Variants in KCNH6 observed in about 807,000 individuals in gnomAD.
KCNH6 encodes the protein potassium voltage-gated channel subfamily H member 6, also known as voltage-gated inwardly rectifying potassium channel KCNH6.
In KCNH6, 81 loss-of-function variants were observed where a neutral mutation model predicts 83.4. The ratio of observed to expected loss-of-function variants is 0.97; its 90% CI spans 0.81 to 1.17. KCNH6 has a LOEUF of 1.17. KCNH6 is among the 50% of genes most tolerant of loss of function. The pLI is 0.00. For synonymous variants in KCNH6, 503 were observed against 545.6 expected (o/e 0.92, Z 1.09); for missense variants, 1,203 against 1,290.5 (o/e 0.93, Z 1.04).
At chr17:63,531,711 T>C (rs1457373329) in intron 4 of KCNH6, among the ~76,000 whole-genome samples, 2 of 152,238 alleles carry the variant, frequency 1.3e-5, no homozygotes, top group African/African-American at 4.8e-5. Flanking sequence ...AGCTGCTTAC[T>C]CCAGGACATC....
chr17:63,542,136 C>T (rs1020708523), intron 8 of KCNH6, 105 bp from the exon 9 acceptor site: 5 of 1,201,976 alleles, frequency 4.2e-6, no homozygotes, highest in Admixed American at 2.1e-5. Context: ...CAGCAGGCCC[C>T]GGCCTAGAAG....
chr17:63,533,918 G>A lies in KCNH6; in HGVS notation c.708G>A (p.Glu236=). 1 of 1,613,878 alleles carries A rather than the reference G, an allele frequency of 6.2e-7. No homozygotes were observed. ...VLSLGADVLP[E]YKLQAPRIHR... ...CCCTGGGCGCGGATGTGCTGCCGGA[G>A]TACAAGCTGCAGGCGCCGCGCATCC... The change falls in exon 5 of 13, where the codon GAG becomes GAA. Residue 236 remains glutamate (E), a synonymous_variant. Transcript: ENST00000314672. This position sits in a 1 kb window ranked among gnomAD's most constrained non-coding sequence, Gnocchi z 4.1.
Position 63,538,239 on chromosome 17 carries a change from A to G in KCNH6, c.1676A>G (p.Tyr559Cys). The G allele has an allele frequency of 6.2e-7, 1 of 1,614,020 alleles. No individual in the cohort carries two copies. Among genetic ancestry groups the G allele is most frequent in the Non-Finnish European group, 8.5e-7 (1 of 1,179,984 alleles). The change falls in exon 7 of 13, where the codon TAC (tyrosine) becomes TGC (cysteine). Residue 559 changes from tyrosine to cysteine, a missense_variant. Transcript: ENST00000314672. This position sits in a 1 kb window ranked among gnomAD's most constrained non-coding sequence, Gnocchi z 4.0. ...LEEYFQHAWS[Y>C]TNGIDMNAVL... Reference sequence around the variant, plus strand: ...GAGTATTTCCAGCACGCCTGGTCCTACACCAATGGCATTGACATGAACGCG... The same window carrying G: ...GAGTATTTCCAGCACGCCTGGTCCTGCACCAATGGCATTGACATGAACGCG...
Position 63,536,035 on chromosome 17 carries a change from A to T in KCNH6, c.1468A>T (p.Lys490Ter). ...GNVSPNTNSEKVFSICVMLIG... is the reference protein window; with the variant it reads ...GNVSPNTNSE Reference sequence around the variant, plus strand: ...TGTCTCGCCCAACACCAACTCCGAGAAGGTCTTCTCCATCTGCGTCATGCT... The same window carrying T: ...TGTCTCGCCCAACACCAACTCCGAGTAGGTCTTCTCCATCTGCGTCATGCT... The change falls in exon 6 of 13, where the codon AAG (lysine) becomes TAG (stop). Residue 490 changes from lysine to a stop codon, truncating the protein, a stop_gained. Transcript: ENST00000314672. LOFTEE classifies it high-confidence loss of function. The T allele has an allele frequency of 6.2e-7, 1 of 1,613,636 alleles. No individual in the cohort carries two copies. Among genetic ancestry groups the T allele is most frequent in the Non-Finnish European group, 8.5e-7 (1 of 1,180,012 alleles).
chr17:63,530,456 C>T lies in KCNH6; in HGVS notation c.589C>T (p.Arg197Cys), dbSNP rs762097735. Residue 197 changes from arginine (R) to cysteine (C), a missense_variant, in exon 4 of 13, where the codon CGC becomes TGC. Physicochemically the swap from Arg to Cys is radical, Grantham distance 180. Transcript: ENST00000314672. ...NFVEFNLEKHRSSSTTEIEII... is the reference protein window; with the variant it reads ...NFVEFNLEKHCSSSTTEIEII... ...CGTGGAGTTCAACTTGGAGAAGCAC[C>T]GCTCCAGCTCCACCACGGAGATTGA... 2.0e-5 allele frequency: 32 copies of T among 1,614,108 alleles called. No individual in the cohort carries two copies. The highest frequency in any genetic ancestry group is 1.9e-4 in the South Asian group (17 of 91,086).
At chr17:63,532,136 TG>T (rs1252887769) in intron 4 of KCNH6, among the ~76,000 whole-genome samples, 1 of 152,106 alleles carries the variant, frequency 6.6e-6, no homozygotes, top group African/African-American at 2.4e-5. Context: ...TCCCCCTGTC[TG>T]GGGGCCCTGA....
intron 2 of KCNH6, 57 bp from the exon 3 acceptor site, chr17:63,530,034 A>G (rs2031978172): frequency 2.5e-6 from 4 of 1,580,572 alleles, no homozygotes; most frequent in African/African-American, 2.7e-5. Context: ...TAGCCAGGCC[A>G]CTGCAGGAGG....
At chr17:63,537,387 G>A (rs975371247) in intron 6 of KCNH6, among the ~76,000 whole-genome samples, 12 of 152,182 alleles carry the variant, frequency 7.9e-5, no homozygotes, top group Non-Finnish European at 1.8e-4. Context: ...AAAAACAAGG[G>A]AAGAAAATGG....
chr17:63,544,608 G>A (rs1246184301), intron 11 of KCNH6, among the ~76,000 whole-genome samples, 197 bp downstream of exon 11: 2 of 152,056 alleles, frequency 1.3e-5, no homozygotes, highest in African/African-American at 2.4e-5. Context: ...GGAGCTTCTC[G>A]GGGGAGGGGC....
rs772603872 is a variant in KCNH6 at position 63,545,665 on chromosome 17, C to G, written c.2640C>G (p.Pro880=). 1.9e-6 allele frequency: 3 copies of G among 1,614,070 alleles called. No homozygotes were observed. The highest frequency in any genetic ancestry group is 2.2e-5 in the East Asian group (1 of 44,870). Residue 880 remains proline, a synonymous_variant, in exon 13 of 13, where the codon CCC becomes CCG. Transcript: ENST00000314672. The stretch of plus-strand genomic sequence containing the variant: ...GTCCAAAGCACAGGAACTCCTCCCC[C>G]AGGATGCCTCACCTGGCTGTGGCAA... ...DCSPKHRNSS[P]RMPHLAVATD...
At chr17:63,525,857 G>A (rs944202805) in intron 2 of KCNH6, among the ~76,000 whole-genome samples, 8 of 152,242 alleles carry the variant, frequency 5.3e-5, no homozygotes, top group African/African-American at 1.9e-4. Flanking sequence ...CAGAGGAGAG[G>A]TGGCAGTCAG....
Position 63,545,215 on chromosome 17 carries a change from CG to C in KCNH6, c.2535del (p.Thr846ArgfsTer64), listed in dbSNP as rs1568090787. ...GCCTTGGTTCCTATAGCCTCGGAGA[CG>C]ACGAGTCCAGGGCCCAGGCTGCCCC... ...DLALVPIASE[T>X]TSPGPRLPQG... On this transcript the variant is annotated frameshift_variant, in exon 12 of 13. Transcript: ENST00000314672. LOFTEE classifies it low-confidence loss of function (END_TRUNC). 2 of 1,613,624 alleles carry C rather than the reference CG, an allele frequency of 1.2e-6. No homozygotes were observed. Among genetic ancestry groups the C allele is most frequent in the African/African-American group, 1.3e-5 (1 of 74,936 alleles).
rs562011690 is a variant in KCNH6, at chr17:63,523,782, C to G, written c.76+293C>G. 5.9e-5 allele frequency among the ~76,000 whole-genome samples: 9 copies of G among 152,214 alleles called. No homozygotes were observed. The highest frequency in any genetic ancestry group is 1.9e-4 in the African/African-American group (8 of 41,514). ...CCTCCCCTTCCAGCCACTGCCTGCC[C>G]CCTCATCCGCGTCCTCCAGAGGCTT... On this transcript the variant is annotated intron_variant, in intron 1 of 12. Transcript: ENST00000314672. The surrounding 1 kb of genome is among the most constrained non-coding windows in gnomAD (Gnocchi z 4.2).
chr17:63,524,906 G>A (rs2031602805), intron 2 of KCNH6, among the ~76,000 whole-genome samples: 1 of 152,090 alleles, frequency 6.6e-6, no homozygotes, highest in South Asian at 2.1e-4. Flanking sequence ...CTGCCAGCTG[G>A]AGCATACTGC....
At position 63,544,341 on chromosome 17, in the gene KCNH6, C is replaced by T. The variant is rs1269958602; in HGVS notation, c.2326C>T (p.Gln776Ter). The T allele has an allele frequency of 6.2e-7, 1 of 1,612,018 alleles. No homozygotes were observed. The highest frequency in any genetic ancestry group is 1.3e-5 in the African/African-American group (1 of 74,880). Residue 776 changes from glutamine to a stop codon, truncating the protein, a stop_gained, in exon 11 of 13, where the codon CAG (glutamine) becomes TAG (stop). Coordinates refer to ENST00000314672, the MANE Select transcript of KCNH6 (RefSeq NM_001278919.2). LOFTEE classifies it high-confidence loss of function. ...MPPRHSPQSP[Q>*]EDPDCWPLKL... ...CCCAAGGCACAGCCCCCAAAGCCCTCAGGAAGACCCAGATTGCTGGCCTCT... is the reference window on the plus strand; with the variant it reads ...CCCAAGGCACAGCCCCCAAAGCCCTTAGGAAGACCCAGATTGCTGGCCTCT...
rs1278884061 is a variant in KCNH6, at chr17:63,535,849, C to A, written c.1282C>A (p.Pro428Thr). 1 of 1,614,214 alleles carries A rather than the reference C, an allele frequency of 6.2e-7. No individual in the cohort carries two copies. Among genetic ancestry groups the A allele is most frequent in the Non-Finnish European group, 8.5e-7 (1 of 1,180,040 alleles). The change falls in exon 6 of 13, where the codon CCC (proline) becomes ACC (threonine). Residue 428 changes from proline to threonine, a missense_variant. Physicochemically the swap from Pro to Thr is conservative, Grantham distance 38. Coordinates refer to ENST00000314672, the MANE Select transcript of KCNH6 (RefSeq NM_001278919.2). This position sits in a 1 kb window ranked among gnomAD's most constrained non-coding sequence, Gnocchi z 4.9. ...IWYAIGNVER[P>T]YLEHKIGWLD... The stretch of plus-strand genomic sequence containing the variant: ...GTACGCCATCGGCAATGTGGAGCGG[C>A]CCTACCTAGAACACAAGATCGGCTG...
At chr17:63,529,923 G>T (rs1055899489) in intron 2 of KCNH6, among the ~76,000 whole-genome samples, 168 bp from the exon 3 acceptor site, 1 of 152,196 alleles carries the variant, frequency 6.6e-6, no homozygotes, top group Non-Finnish European at 1.5e-5. Flanking sequence ...TGGAGCACCA[G>T]CTGAGCAGCC....
Position 63,538,268 on chromosome 17 carries a change from AG to A in KCNH6, c.1701+5del. The A allele has an allele frequency of 6.2e-7, 1 of 1,611,852 alleles. No individual in the cohort carries two copies. The highest frequency in any genetic ancestry group is 8.5e-7 in the Non-Finnish European group (1 of 1,179,170). On this transcript the variant is annotated splice_donor_5th_base_variant and intron_variant, in intron 7 of 12. Coordinates refer to ENST00000314672, the MANE Select transcript of KCNH6 (RefSeq NM_001278919.2). The surrounding 1 kb of genome is among the most constrained non-coding windows in gnomAD (Gnocchi z 4.0). ...CAATGGCATTGACATGAACGCGGTGAGCCCCGCCGCTCCGGCTAATGCCCCG... is the reference window on the plus strand; with the variant it reads ...CAATGGCATTGACATGAACGCGGTGACCCCGCCGCTCCGGCTAATGCCCCG...
chr17:63,524,566 G>C (rs933132758), intron 2 of KCNH6, among the ~76,000 whole-genome samples, 197 bp downstream of exon 2: 25 of 152,224 alleles, frequency 1.6e-4, no homozygotes, highest in African/African-American at 5.3e-4. Flanking sequence ...TAGGGATCAG[G>C]CTGGGCCACC....
Sources: gnomAD v4.1 joint callset for allele counts (sites outside exome capture counted in the v4.1 genomes callset) on GRCh38, gnomAD v4.1.1 for gene constraint, Gnocchi (gnomAD v3.1) non-coding constraint, MANE v1.5 for transcripts, NCBI Gene and HGNC (gene_info 2026-07-23, HGNC 2026-07-21) for gene names.